DNAH7: variants seen among roughly 807,000 people sequenced by gnomAD.
DNAH7 encodes the protein axonemal beta dynein heavy chain 7.
A neutral mutation model predicts 444.6 loss-of-function variants in DNAH7; 397 were observed. The observed-to-expected ratio is 0.89, with a 90% CI of 0.82 to 0.97. The LOEUF (loss-of-function observed/expected upper bound fraction) is 0.97. Among genes scored for constraint, DNAH7 ranks in the 50% least tolerant of loss-of-function variants. The pLI, the probability that DNAH7 is intolerant of heterozygous loss-of-function variation, is 0.00. For synonymous variants in DNAH7, 1,636 were observed against 1,624.4 expected, an observed-to-expected ratio of 1.01 and a Z score of -0.17; for missense variants, 4,902 against 4,800.8, an observed-to-expected ratio of 1.02 and a Z score of -0.62.
intron 12 of DNAH7, among the ~76,000 whole-genome samples, chr2:195,990,637 C>T (rs557940260): frequency 2.6e-5 from 4 of 151,548 alleles, no homozygotes; most frequent in East Asian, 1.9e-4. Context: ...CCAACCTAGG[C>T]GACAGAGTAA....
At chr2:195,908,212 A>AT (rs1471727744) in intron 25 of DNAH7, among the ~76,000 whole-genome samples, 1 of 151,794 alleles carries the variant, frequency 6.6e-6, no homozygotes, top group African/African-American at 2.4e-5. Context: ...TAGTTTTGTT[A>AT]TTTTTTTCTT....
intron 48 of DNAH7, among the ~76,000 whole-genome samples, chr2:195,825,812 G>A (rs1697716290): frequency 6.6e-6 from 1 of 152,186 alleles, no homozygotes. Context: ...GTGCTGGGGT[G>A]ACAGGTATTT....
At chr2:195,927,388 A>G (rs1688401747) in intron 21 of DNAH7, among the ~76,000 whole-genome samples, 1 of 152,210 alleles carries the variant, frequency 6.6e-6, no homozygotes, top group Non-Finnish European at 1.5e-5. Flanking sequence ...GGATATTTAT[A>G]GAATGGAACA....
chr2:195,770,019 T>C (rs1694761931), intron 61 of DNAH7, among the ~76,000 whole-genome samples: 1 of 152,190 alleles, frequency 6.6e-6, no homozygotes, highest in African/African-American at 2.4e-5. Flanking sequence ...GCCCAGACTT[T>C]CCACTTGCTT....
intron 61 of DNAH7, among the ~76,000 whole-genome samples, chr2:195,767,598 A>T (rs1198413865): frequency 6.6e-6 from 1 of 151,836 alleles, no homozygotes; most frequent in Non-Finnish European, 1.5e-5. Context: ...CAAATAATTC[A>T]CTTCTTTTCA....
chr2:196,011,686 T>C (rs985048126), intron 10 of DNAH7, among the ~76,000 whole-genome samples: 5 of 152,192 alleles, frequency 3.3e-5, no homozygotes, highest in Admixed American at 2.0e-4. Context: ...ACTTAAAATA[T>C]GGTCAGAGAG....
intron 46 of DNAH7, among the ~76,000 whole-genome samples, chr2:195,848,124 G>GCACTGGCTGA (rs1160776920): frequency 6.6e-6 from 1 of 152,196 alleles, no homozygotes; most frequent in Admixed American, 6.5e-5. Context: ...GGTGCTCACA[G>GCACTGGCTGA]GTGGCGCTGG....
chr2:195,828,511 G>A (rs1282492572), intron 48 of DNAH7, among the ~76,000 whole-genome samples: 2 of 151,544 alleles, frequency 1.3e-5, no homozygotes, highest in African/African-American at 4.8e-5. Context: ...CGTGAACCCA[G>A]GAGGCAGAGC....
At chr2:195,955,493 A>G (rs751792014) in intron 19 of DNAH7, among the ~76,000 whole-genome samples, 1 of 151,994 alleles carries the variant, frequency 6.6e-6, no homozygotes, top group Non-Finnish European at 1.5e-5. Context: ...GCTTAGGATT[A>G]AGACAATCAA....
chr2:196,013,254 A>G (rs1178317985), intron 9 of DNAH7, among the ~76,000 whole-genome samples: 1 of 152,148 alleles, frequency 6.6e-6, no homozygotes, highest in Non-Finnish European at 1.5e-5. Flanking sequence ...CTGCTCTGAA[A>G]AGAAAAAATT....
chr2:195,970,996 A>G (rs1253362103), intron 16 of DNAH7, among the ~76,000 whole-genome samples: 1 of 152,200 alleles, frequency 6.6e-6, no homozygotes. Context: ...CCAAGAGCCT[A>G]TTTTACTGAA....
At chr2:195,780,292 CTA>C (rs1327444001) in intron 58 of DNAH7, among the ~76,000 whole-genome samples, 2 of 151,932 alleles carry the variant, frequency 1.3e-5, no homozygotes, top group African/African-American at 2.4e-5. Flanking sequence ...TCACTCTGAT[CTA>C]TGTTTTTCTA....
chr2:195,831,216 T>C (rs1466092107), intron 48 of DNAH7, among the ~76,000 whole-genome samples: 1 of 152,256 alleles, frequency 6.6e-6, no homozygotes, highest in Admixed American at 6.5e-5. Context: ...TCCATTGGCA[T>C]AGCTAATACA....
chr2:195,990,138 A>G (rs1693203392), intron 12 of DNAH7, among the ~76,000 whole-genome samples: 1 of 152,164 alleles, frequency 6.6e-6, no homozygotes, highest in African/African-American at 2.4e-5. Context: ...TCTTATCCAA[A>G]AAATCCTTGT....
intron 14 of DNAH7, among the ~76,000 whole-genome samples, chr2:195,986,524 C>G (rs1692920714): frequency 6.6e-6 from 1 of 152,144 alleles, no homozygotes; most frequent in African/African-American, 2.4e-5. Flanking sequence ...AAGACTAGTT[C>G]TTCTTGTCTT....
chr2:195,896,042 C>A (rs1468058131), intron 29 of DNAH7, among the ~76,000 whole-genome samples: 1 of 152,158 alleles, frequency 6.6e-6, no homozygotes, highest in Non-Finnish European at 1.5e-5. Flanking sequence ...TTTGTATGAA[C>A]AAATGCTTTC....
In DNAH7 at chr2:196,009,291, G is replaced by A. The variant is rs116278456; in HGVS notation, c.989+3496C>T. Among the ~76,000 whole-genome samples the A allele has an allele frequency of 1.6e-3, 244 of 152,198 alleles. 1 individual carries two copies. The highest frequency in any genetic ancestry group is 5.3e-3 in the African/African-American group (220 of 41,526). ...AATGGTAATGGTTGCACAACCTTGC[G>A]AGTATATTATCAACTACTGAATTGT... On this transcript the variant is annotated intron_variant, in intron 10 of 64. Coordinates refer to ENST00000312428, the MANE Select transcript of DNAH7 (RefSeq NM_018897.3).
intron 60 of DNAH7, among the ~76,000 whole-genome samples, chr2:195,772,211 A>G (rs1041004191): frequency 6.6e-6 from 1 of 152,210 alleles, no homozygotes; most frequent in Non-Finnish European, 1.5e-5. Flanking sequence ...TGGAAGAAAA[A>G]GCATTGCACT....
In DNAH7 at chr2:195,923,786, T is replaced by C. The variant is rs1688167643; in HGVS notation, c.3634A>G (p.Thr1212Ala). ...ATATCATCAATTTGTCTGTTACATG[T>C]TTTCAAGTATTGCTCAAGAGCCTGA... ...GIKALEQYLK[T>A]CNRQIDDIVT... The change falls in exon 23 of 65, where the codon ACA (threonine) becomes GCA (alanine). Residue 1212 changes from threonine (T) to alanine (A), a missense_variant. Coordinates refer to ENST00000312428, the MANE Select transcript of DNAH7 (RefSeq NM_018897.3). 30 of 1,614,100 alleles carry C rather than the reference T, an allele frequency of 1.9e-5. No homozygotes were observed. Among genetic ancestry groups the C allele is most frequent in the Non-Finnish European group, 2.5e-5 (30 of 1,179,984 alleles).
Sources: allele counts gnomAD v4.1 joint callset (sites outside exome capture counted in the v4.1 genomes callset), GRCh38; gene constraint gnomAD v4.1.1; transcripts MANE v1.5; gene names NCBI Gene and HGNC (gene_info 2026-07-23, HGNC 2026-07-21).